PLCB1: variants seen among roughly 807,000 people sequenced by gnomAD.
PLCB1 encodes phospholipase C beta 1.
Under a neutral mutation model 161.8 loss-of-function variants are expected in PLCB1, and 46 were observed. That is an observed-to-expected ratio of 0.28 (90% CI 0.22 to 0.36). The LOEUF is 0.36. PLCB1 is among the 10% of genes least tolerant of loss of function. The pLI is 1.00. For missense variants in PLCB1, 1,016 were observed against 1,472.5 expected (o/e 0.69, Z 5.07); for synonymous variants, 517 against 503.7 (o/e 1.03, Z -0.35).
chr20:8,859,211 C>T (rs1380441038), intron 31 of PLCB1, among the ~76,000 whole-genome samples: 1 of 152,172 alleles, frequency 6.6e-6, no homozygotes, highest in Non-Finnish European at 1.5e-5. Flanking sequence ...GGCTCAAGAA[C>T]TTTAATTAAT....
chr20:8,437,915 C>T (rs1276176808), intron 3 of PLCB1, among the ~76,000 whole-genome samples: 3 of 151,878 alleles, frequency 2.0e-5, no homozygotes, highest in Non-Finnish European at 4.4e-5. Context: ...AATAAATTGC[C>T]AATAAATGAT....
chr20:8,268,886 A>T (rs1189694270), intron 2 of PLCB1, among the ~76,000 whole-genome samples: 1 of 140,988 alleles, frequency 7.1e-6, no homozygotes, highest in Non-Finnish European at 1.6e-5. Flanking sequence ...AACTTCACAG[A>T]TACAAAATGA....
intron 3 of PLCB1, among the ~76,000 whole-genome samples, chr20:8,468,477 A>C (rs1981912064): frequency 6.6e-6 from 1 of 152,112 alleles, no homozygotes; most frequent in African/African-American, 2.4e-5. Context: ...TGTAAAATGG[A>C]TGATTTTCTG....
chr20:8,281,130 G>C (rs1192206457), intron 2 of PLCB1, among the ~76,000 whole-genome samples: 2 of 152,050 alleles, frequency 1.3e-5, no homozygotes, highest in Non-Finnish European at 2.9e-5. Flanking sequence ...ATAAGTATTG[G>C]AATAAACAAC....
intron 3 of PLCB1, among the ~76,000 whole-genome samples, chr20:8,620,565 A>T (rs1182682240): frequency 6.6e-6 from 1 of 151,216 alleles, no homozygotes; most frequent in Non-Finnish European, 1.5e-5. Context: ...CATAGCAAAA[A>T]CTCAACTCTA....
intron 3 of PLCB1, among the ~76,000 whole-genome samples, chr20:8,498,038 A>G (rs1983248223): frequency 6.6e-6 from 1 of 152,228 alleles, no homozygotes; most frequent in African/African-American, 2.4e-5. Flanking sequence ...CAATAAAACC[A>G]ATAATAAAAG....
intron 20 of PLCB1, among the ~76,000 whole-genome samples, chr20:8,738,581 AAAAG>A (rs1257949772): frequency 6.6e-6 from 1 of 152,248 alleles, no homozygotes; most frequent in Non-Finnish European, 1.5e-5. Flanking sequence ...AAATTAAAAA[AAAAG>A]AAAACATAAA....
In PLCB1 at chr20:8,722,382, C is replaced by T. The variant is rs781714752; in HGVS notation, c.1542C>T (p.Asp514=). ...AAGCTGATACGGAAAGTGACGACGA[C>T]GATGATGATGATGACTGTAAAAAAT... ...AGEADTESDD[D]DDDDDCKKSS... The change falls in exon 15 of 32, where the codon GAC becomes GAT. Residue 514 remains aspartate, a synonymous_variant. Transcript: ENST00000338037. The T allele has an allele frequency of 2.0e-5, 33 of 1,610,452 alleles. No homozygotes were observed. The highest frequency in any genetic ancestry group is 1.6e-4 in the Middle Eastern group (1 of 6,070).
intron 3 of PLCB1, among the ~76,000 whole-genome samples, chr20:8,500,870 T>C (rs754286022): frequency 6.6e-6 from 1 of 152,182 alleles, no homozygotes; most frequent in Non-Finnish European, 1.5e-5. Context: ...ATGAGGAAGG[T>C]CCTAACTTGT....
At chr20:8,609,160 G>A (rs1987835970) in intron 3 of PLCB1, among the ~76,000 whole-genome samples, 1 of 152,118 alleles carries the variant, frequency 6.6e-6, no homozygotes, top group Non-Finnish European at 1.5e-5. Context: ...CTTAGCTATT[G>A]GAAATGAGGC....
At chr20:8,688,177 G>A (rs1288792674) in intron 10 of PLCB1, among the ~76,000 whole-genome samples, 1 of 152,128 alleles carries the variant, frequency 6.6e-6, no homozygotes, top group Non-Finnish European at 1.5e-5. Context: ...ACTTTTTGAT[G>A]GAATTGATTG....
At chr20:8,790,885 T>C (rs986393676) in intron 31 of PLCB1, among the ~76,000 whole-genome samples, 5 of 152,158 alleles carry the variant, frequency 3.3e-5, no homozygotes, top group Non-Finnish European at 7.4e-5. Flanking sequence ...GGCATCTCAG[T>C]TTTAGAACAT....
chr20:8,203,352 C>T (rs1978348192), intron 2 of PLCB1, among the ~76,000 whole-genome samples: 1 of 152,084 alleles, frequency 6.6e-6, no homozygotes, highest in Non-Finnish European at 1.5e-5. Flanking sequence ...TGGAAAGTGA[C>T]TCATTAATGG....
chr20:8,312,186 G>T (rs1415148520), intron 2 of PLCB1, among the ~76,000 whole-genome samples: 2 of 152,012 alleles, frequency 1.3e-5, no homozygotes, highest in Non-Finnish European at 2.9e-5. Flanking sequence ...AAGTTATCTA[G>T]CCAGGGTTGG....
chr20:8,722,281 A>G, intron 14 of PLCB1, 73 bp from the exon 15 acceptor site: 1 of 1,123,090 alleles, frequency 8.9e-7, no homozygotes, highest in South Asian at 1.5e-5. Context: ...TTTTAGGTAA[A>G]ATATGTGTTA....
At chr20:8,623,678 T>C (rs1988249470) in intron 3 of PLCB1, among the ~76,000 whole-genome samples, 1 of 152,328 alleles carries the variant, frequency 6.6e-6, no homozygotes, top group Non-Finnish European at 1.5e-5. Flanking sequence ...TTAAAGATTT[T>C]CCATCTGTTA....
At chr20:8,345,910 C>T (rs939349151) in intron 2 of PLCB1, among the ~76,000 whole-genome samples, 12 of 152,298 alleles carry the variant, frequency 7.9e-5, no homozygotes, top group Admixed American at 7.2e-4. Context: ...TCACATCTTC[C>T]TCAAGCATCT....
intron 27 of PLCB1, among the ~76,000 whole-genome samples, chr20:8,775,641 T>C (rs1982906085): frequency 6.6e-6 from 1 of 152,166 alleles, no homozygotes; most frequent in Non-Finnish European, 1.5e-5. Context: ...AGTGACTGTA[T>C]GCAATGAGTA....
chr20:8,605,279 C>A (rs532401362), intron 3 of PLCB1, among the ~76,000 whole-genome samples: 3 of 151,994 alleles, frequency 2.0e-5, no homozygotes, highest in Non-Finnish European at 4.4e-5. Context: ...CCTATTTTCC[C>A]TTACCATATC....
Sources: allele counts gnomAD v4.1 joint callset (sites outside exome capture counted in the v4.1 genomes callset), GRCh38; gene constraint gnomAD v4.1.1; transcripts MANE v1.5; gene names NCBI Gene and HGNC (gene_info 2026-07-23, HGNC 2026-07-21).